The following FLRT2 variants were observed in gnomAD, a reference collection of about 807,000 sequenced individuals.
FLRT2 encodes leucine-rich repeat transmembrane protein FLRT2.
A neutral mutation model predicts 40.0 loss-of-function variants in FLRT2; 15 were observed. The observed-to-expected ratio is 0.38, with a 90% CI of 0.25 to 0.58. FLRT2 has a LOEUF of 0.58. Ranked by LOEUF, FLRT2 falls within the 20% of genes least tolerant of loss-of-function variation. The pLI, the probability that FLRT2 is intolerant of heterozygous loss-of-function variation, is 0.71. For missense variants in FLRT2, 726 were observed against 840.0 expected (o/e 0.86, Z 1.68); for synonymous variants, 380 against 336.8 (o/e 1.13, Z -1.41).
chr14:85,619,124 C>G (rs1566759797), intron 1 of FLRT2, among the ~76,000 whole-genome samples: 1 of 144,244 alleles, frequency 6.9e-6, no homozygotes, highest in African/African-American at 2.6e-5. Context: ...GGTTCTTGCT[C>G]TGTCACCCAG....
intron 1 of FLRT2, among the ~76,000 whole-genome samples, chr14:85,601,202 A>G (rs1457717042): frequency 2.0e-5 from 3 of 152,218 alleles, no homozygotes; most frequent in African/African-American, 7.2e-5. Flanking sequence ...GAGATGCAGC[A>G]TGGAAGAAAC....
chr14:85,618,844 G>T (rs1017576871), intron 1 of FLRT2, among the ~76,000 whole-genome samples: 1 of 152,074 alleles, frequency 6.6e-6, no homozygotes, highest in African/African-American at 2.4e-5. Flanking sequence ...GCCAGGTTAG[G>T]CTCATGCTGC....
intron 1 of FLRT2, chr14:85,531,155 A>G (rs1301368822): frequency 1.3e-5 from 2 of 152,238 alleles, no homozygotes; most frequent in East Asian, 3.9e-4. Context: ...TGGGGCCATC[A>G]CGCCTTTCTA....
Position 85,622,637 on chromosome 14 carries a change from A to G in FLRT2, c.1123A>G (p.Ser375Gly), listed in dbSNP as rs1333194927. Reference sequence around the variant, plus strand: ...CCTGCCTCTCTTCACCCCAGCCCCAAGTACAGCTTCTCCGACCACTCAGCC... The same window carrying G: ...CCTGCCTCTCTTCACCCCAGCCCCAGGTACAGCTTCTCCGACCACTCAGCC... ...PGLPLFTPAP[S>G]TASPTTQPPT... Residue 375 changes from serine (S) to glycine (G), a missense_variant, in exon 2 of 2, where the codon AGT becomes GGT. Physicochemically the swap from Ser to Gly is moderately conservative, Grantham distance 56. Transcript: ENST00000330753. The G allele has an allele frequency of 1.3e-5, 21 of 1,613,886 alleles. No homozygotes were observed. In the South Asian group the frequency reaches 1.3e-4, roughly 10 times the overall value.
At chr14:85,578,244 T>C (rs1030540691) in intron 1 of FLRT2, among the ~76,000 whole-genome samples, 2 of 148,226 alleles carry the variant, frequency 1.3e-5, no homozygotes, top group African/African-American at 4.9e-5. Flanking sequence ...TTTTTATGTA[T>C]ATATATAGGC....
In FLRT2 at chr14:85,629,389, A is replaced by G. The variant is rs766684117; in HGVS notation, c.*5892A>G. 6.6e-6 allele frequency: 1 copy of G among 152,244 alleles called. No individual in the cohort carries two copies. Among genetic ancestry groups the G allele is most frequent in the Non-Finnish European group, 1.5e-5 (1 of 68,036 alleles). 9.4% of individuals were successfully genotyped at this position (152,244 alleles called of 1,614,324 possible). On this transcript the variant is annotated 3_prime_UTR_variant, in exon 2 of 2. Coordinates refer to ENST00000330753, the MANE Select transcript of FLRT2 (RefSeq NM_013231.6). ...AACTTAGAAATTGTATTTCGTAATTACACATGCAGACATTTAAATTTTTAT... is the reference window on the plus strand; with the variant it reads ...AACTTAGAAATTGTATTTCGTAATTGCACATGCAGACATTTAAATTTTTAT...
rs757473154 is a variant in FLRT2, at chr14:85,640,822, T to C, written c.*17325T>C. On this transcript the variant is annotated 3_prime_UTR_variant, in exon 2 of 2. Transcript: ENST00000330753. ...TCACTCTCTTAATAGCTTGAGAGAA[T>C]TGTACACAAACGTTTCTAAAATACA... 1 of 152,118 alleles carries C rather than the reference T, an allele frequency of 6.6e-6. No individual in the cohort carries two copies. Among genetic ancestry groups the C allele is most frequent in the African/African-American group, 2.4e-5 (1 of 41,414 alleles). The allele number at this position is 152,118 out of a possible 1,614,324, so 9.4% of individuals were successfully genotyped here. A position where few individuals can be genotyped will look rare whatever the true frequency, so the allele number is the denominator to read the frequency against.
At chr14:85,560,603 GAAATAAATAAA>G (rs1176378995) in intron 1 of FLRT2, among the ~76,000 whole-genome samples, 1 of 150,444 alleles carries the variant, frequency 6.6e-6, no homozygotes, top group East Asian at 1.9e-4. Flanking sequence ...ATAAATAAAA[GAAATAAATAAA>G]AAATAAAGAA....
Position 85,652,471 on chromosome 14 carries a change from T to C in FLRT2, c.*28974T>C, listed in dbSNP as rs1214928221. The C allele has an allele frequency of 6.6e-6, 1 of 152,136 alleles. No individual in the cohort carries two copies. Among genetic ancestry groups the C allele is most frequent in the Non-Finnish European group, 1.5e-5 (1 of 68,006 alleles). 9.4% of individuals were successfully genotyped at this position (152,136 alleles called of 1,614,324 possible). A position where few individuals can be genotyped will look rare whatever the true frequency, so the allele number is the denominator to read the frequency against. On this transcript the variant is annotated 3_prime_UTR_variant, in exon 2 of 2. Transcript: ENST00000330753. ...CATTTTGTTTGTTGCCATAGGAAAA[T>C]TCTTTTTTGAGAATTTTTTTCTTAT...
chr14:85,597,418 C>A lies in FLRT2; in HGVS notation c.-376-23721C>A, dbSNP rs75092859. ...TTACAAACATACGTGGTAAGTTTGT[C>A]TTTTTATTTGTTCTACCTGATTTTG... On this transcript the variant is annotated intron_variant, in intron 1 of 1. Transcript: ENST00000330753. Among the ~76,000 whole-genome samples, 1,044 of 152,178 alleles carry A rather than the reference C, an allele frequency of 6.9e-3. 8 individuals carry two copies. Among genetic ancestry groups the A allele is most frequent in the African/African-American group, 0.024 (1,006 of 41,516 alleles).
In FLRT2 at chr14:85,647,675, A is replaced by T. The variant is rs2139407067; in HGVS notation, c.*24178A>T. On this transcript the variant is annotated 3_prime_UTR_variant, in exon 2 of 2. Coordinates refer to ENST00000330753, the MANE Select transcript of FLRT2 (RefSeq NM_013231.6). ...GAGAGTAAGTTTTTCCTACAAAGAG[A>T]TGTATGTATGGGACCCAGGGAATTT... 6.6e-6 allele frequency: 1 copy of T among 152,270 alleles called. No homozygotes were observed. Among genetic ancestry groups the T allele is most frequent in the East Asian group, 1.9e-4 (1 of 5,176 alleles). The allele number at this position is 152,270 out of a possible 1,614,324, so 9.4% of individuals were successfully genotyped here. A position where few individuals can be genotyped will look rare whatever the true frequency, so the allele number is the denominator to read the frequency against.
chr14:85,584,893 G>A (rs1359526934), intron 1 of FLRT2, among the ~76,000 whole-genome samples: 2 of 134,520 alleles, frequency 1.5e-5, no homozygotes, highest in Non-Finnish European at 1.6e-5. Context: ...AAATGGGGCC[G>A]TATCCAAAAG....
chr14:85,545,786 C>A (rs911899209), intron 1 of FLRT2, among the ~76,000 whole-genome samples: 1 of 152,186 alleles, frequency 6.6e-6, no homozygotes, highest in Non-Finnish European at 1.5e-5. Flanking sequence ...TTGTAGAGAA[C>A]ACTCTCCATT....
intron 1 of FLRT2, among the ~76,000 whole-genome samples, chr14:85,620,668 G>A (rs17713911): frequency 0.14 from 21,543 of 152,042 alleles, 1,610 homozygotes; most frequent in South Asian, 0.2. Flanking sequence ...TCTCCATGTT[G>A]CATTTTTAAA....
Position 85,636,408 on chromosome 14 carries a change from ACAAAAAAC to A in FLRT2, c.*12912_*12919del, listed in dbSNP as rs1363286168. On this transcript the variant is annotated 3_prime_UTR_variant, in exon 2 of 2. Transcript: ENST00000330753. ...ACCTGCAGAAAAAAAAAAAAAAAAA[ACAAAAAAC>A]ATTCTTATTAATCTTAACTAATTTT... 1 of 71,632 alleles carries A rather than the reference ACAAAAAAC, an allele frequency of 1.4e-5. No individual in the cohort carries two copies. The highest frequency in any genetic ancestry group is 3.9e-5 in the African/African-American group (1 of 25,402). 4.4% of individuals were successfully genotyped at this position (71,632 alleles called of 1,614,324 possible).
intron 1 of FLRT2, among the ~76,000 whole-genome samples, chr14:85,570,285 C>T (rs547744611): frequency 1.7e-3 from 262 of 152,250 alleles, no homozygotes; most frequent in African/African-American, 6.1e-3. Flanking sequence ...TTGTAAATAA[C>T]TCAGTAAACA....
In FLRT2 at chr14:85,632,410, T is replaced by A. The variant is rs1893900098; in HGVS notation, c.*8913T>A. ...TTGCTTGAACCTAGGAGGTGGAGGTTGCAGTGAGCCAAGATCATGCCATTG... is the reference window on the plus strand; with the variant it reads ...TTGCTTGAACCTAGGAGGTGGAGGTAGCAGTGAGCCAAGATCATGCCATTG... On this transcript the variant is annotated 3_prime_UTR_variant, in exon 2 of 2. Transcript: ENST00000330753. 1 of 146,526 alleles carries A rather than the reference T, an allele frequency of 6.8e-6. No individual in the cohort carries two copies. Among genetic ancestry groups the A allele is most frequent in the Admixed American group, 7.0e-5 (1 of 14,340 alleles). The allele number at this position is 146,526 out of a possible 1,614,324, so 9.1% of individuals were successfully genotyped here. A position where few individuals can be genotyped will look rare whatever the true frequency, so the allele number is the denominator to read the frequency against.
At chr14:85,594,475 C>A (rs756442815) in intron 1 of FLRT2, among the ~76,000 whole-genome samples, 1 of 152,118 alleles carries the variant, frequency 6.6e-6, no homozygotes, top group Admixed American at 6.5e-5. Context: ...ACCCTAGGTG[C>A]GGCTTAGCTT....
chr14:85,650,679 A>T lies in FLRT2; in HGVS notation c.*27182A>T, dbSNP rs969190956. The T allele has an allele frequency of 2.0e-5, 3 of 151,868 alleles. No homozygotes were observed. The highest frequency in any genetic ancestry group is 4.4e-5 in the Non-Finnish European group (3 of 67,938). 9.4% of individuals were successfully genotyped at this position (151,868 alleles called of 1,614,324 possible). A position where few individuals can be genotyped will look rare whatever the true frequency, so the allele number is the denominator to read the frequency against. ...GTGATAAAAATGGAGTCTTATTTTGATTTTAATTTGTACTTCCCCAGTTCC... is the reference window on the plus strand; with the variant it reads ...GTGATAAAAATGGAGTCTTATTTTGTTTTTAATTTGTACTTCCCCAGTTCC... On this transcript the variant is annotated 3_prime_UTR_variant, in exon 2 of 2. Transcript: ENST00000330753.
Sources: gnomAD v4.1 joint callset for allele counts (sites outside exome capture counted in the v4.1 genomes callset) on GRCh38, gnomAD v4.1.1 for gene constraint, MANE v1.5 for transcripts, NCBI Gene and HGNC (gene_info 2026-07-23, HGNC 2026-07-21) for gene names.